CCDC88B: variants seen among roughly 807,000 people sequenced by gnomAD.
The protein encoded by CCDC88B is coiled-coil domain-containing protein 88B.
CCDC88B carries 138 observed loss-of-function variants against 183.7 expected under a neutral mutation model. The observed-to-expected ratio is 0.75, with a 90% CI of 0.65 to 0.87. The LOEUF is 0.87. CCDC88B is among the 40% of genes least tolerant of loss of function. The pLI, the probability that CCDC88B is intolerant of heterozygous loss-of-function variation, is 0.00. For synonymous variants in CCDC88B, 835 were observed against 867.5 expected (o/e 0.96, Z 0.66); for missense variants, 1,822 against 1,965.6 (o/e 0.93, Z 1.38).
chr11:64,342,457 C>G, intron 9 of CCDC88B, 65 bp from the exon 10 acceptor site: 1 of 1,540,408 alleles, frequency 6.5e-7, no homozygotes, highest in East Asian at 2.4e-5. Context: ...CAACCCGGCT[C>G]CTTCCCGTCC....
chr11:64,351,484 G>T lies in CCDC88B; in HGVS notation c.2967G>T (p.Met989Ile). Reference sequence around the variant, plus strand: ...CCCCCACTTCTGGGCAGAATGCGATGCTGGTGGCAGAGAAGGCAGCTTTGC... The same window carrying T: ...CCCCCACTTCTGGGCAGAATGCGATTCTGGTGGCAGAGAAGGCAGCTTTGC... ...RLIEVERSNA[M>I]LVAEKAALQG... Residue 989 changes from methionine to isoleucine, a missense_variant, in exon 18 of 27, where the codon ATG (methionine) becomes ATT (isoleucine). By Grantham distance (10) the Met-to-Ile change is conservative. Coordinates refer to ENST00000356786, the MANE Select transcript of CCDC88B (RefSeq NM_032251.6). 6.3e-7 allele frequency: 1 copy of T among 1,588,118 alleles called. No individual in the cohort carries two copies. The highest frequency in any genetic ancestry group is 1.1e-5 in the South Asian group (1 of 88,812).
Position 64,352,292 on chromosome 11 carries a change from CAGG to C in CCDC88B, c.3266_3268del (p.Glu1089del). The C allele has an allele frequency of 1.3e-6, 2 of 1,572,208 alleles. No homozygotes were observed. The highest frequency in any genetic ancestry group is 1.7e-6 in the Non-Finnish European group (2 of 1,159,782). ...GGCCCTGGCACAGCTGCAGCGGCGG[CAGG>C]AGGCCGAGCTAGAGGGACTGCTGGT... is the stretch of plus-strand genomic sequence containing the variant. On this transcript the variant is annotated inframe_deletion, in exon 19 of 27. Transcript: ENST00000356786.
In CCDC88B at chr11:64,342,652, C is replaced by G; in HGVS notation, c.1034C>G (p.Ala345Gly). 2 of 1,516,762 alleles carry G rather than the reference C, an allele frequency of 1.3e-6. No individual in the cohort carries two copies. The highest frequency in any genetic ancestry group is 2.4e-5 in the South Asian group (2 of 81,702). 94.0% of individuals were successfully genotyped at this position (1,516,762 alleles called of 1,614,324 possible). Residue 345 changes from alanine to glycine, a missense_variant, in exon 10 of 27, where the codon GCG (alanine) becomes GGG (glycine). By Grantham distance (60) the Ala-to-Gly change is moderately conservative. Transcript: ENST00000356786. ...AGGCGCTGCCGCGAGCGGCTGCAGG[C>G]GGCTGAGGCCTACAAGAGTCAGCTG... The part of the protein sequence containing the change: ...ELRRCRERLQ[A>G]AEAYKSQLEE...
chr11:64,352,657 C>T (rs2036384367), intron 19 of CCDC88B, 87 bp from the exon 20 acceptor site: 10 of 1,568,448 alleles, frequency 6.4e-6, no homozygotes, highest in Admixed American at 1.8e-5. Flanking sequence ...GGTGACAGAC[C>T]CCCCCGCCCC....
intron 14 of CCDC88B, chr11:64,348,884 C>T: frequency 1.5e-6 from 1 of 646,352 alleles, no homozygotes; most frequent in Non-Finnish European, 2.9e-6. Flanking sequence ...CAGCTCCTGA[C>T]TTCCTGTCCC....
At chr11:64,342,912 G>A in intron 10 of CCDC88B, 1 of 476,272 alleles carries the variant, frequency 2.1e-6, no homozygotes, top group Non-Finnish European at 3.7e-6. Flanking sequence ...CTTGGAAGGA[G>A]GGCTGTTCCC....
At chr11:64,352,616 A>G (rs961173611) in intron 19 of CCDC88B, 128 bp from the exon 20 acceptor site, 38 of 1,446,340 alleles carry the variant, frequency 2.6e-5, no homozygotes, top group Middle Eastern at 2.1e-4. Context: ...ATTCTGCCCA[A>G]TGGCTTCCTC....
intron 24 of CCDC88B, 109 bp downstream of exon 24, chr11:64,354,279 C>T: frequency 1.1e-6 from 1 of 937,614 alleles, no homozygotes; most frequent in Non-Finnish European, 1.4e-6. Flanking sequence ...CATTGGCCTT[C>T]CCTGAGGCCT....
In CCDC88B at chr11:64,341,191, C is replaced by T. The variant is rs947516415; in HGVS notation, c.388+13C>T. On this transcript the variant is annotated intron_variant, in intron 4 of 26. Transcript: ENST00000356786. ...GACCCTCTCTCAGGTGCTCTCCCCA[C>T]CCACACCCTCCTGCCTCTGCCCCCG... 5 of 1,613,980 alleles carry T rather than the reference C, an allele frequency of 3.1e-6. No individual in the cohort carries two copies. The highest frequency in any genetic ancestry group is 4.2e-6 in the Non-Finnish European group (5 of 1,180,010).
At chr11:64,343,134 G>C in intron 10 of CCDC88B, 45 bp from the exon 11 acceptor site, 1 of 1,491,730 alleles carries the variant, frequency 6.7e-7, no homozygotes, top group Non-Finnish European at 8.9e-7. Context: ...GCGCTGGAGT[G>C]CATGGGGGCT....
Position 64,343,799 on chromosome 11 carries a change from C to T in CCDC88B, c.1340C>T (p.Pro447Leu), listed in dbSNP as rs555368347. The change falls in exon 13 of 27, where the codon CCC becomes CTC. Residue 447 changes from proline (P) to leucine (L), a missense_variant. Pro to Leu is a moderately conservative substitution (Grantham distance 98). Transcript: ENST00000356786. ...TCAGCACCCCTAGCAGGAGCGGCCC[C>T]CTCGCTGCAAGATGAGGTGAGGGAG... is the stretch of plus-strand genomic sequence containing the variant. The part of the protein sequence containing the change: ...PGEAPLAGAA[P>L]SLQDEVREAE... 1,061 of 1,583,404 alleles carry T rather than the reference C, an allele frequency of 6.7e-4. 20 individuals are homozygous for T. In the South Asian group the frequency reaches 0.012, roughly 18 times the overall value.
In CCDC88B at chr11:64,341,021, A is replaced by C. The variant is rs751551235; in HGVS notation, c.318+3A>C. On this transcript the variant is annotated splice_donor_region_variant and intron_variant, in intron 3 of 26. Transcript: ENST00000356786. ...GCCGACTGAGGGACTTCTACCAGGT[A>C]AGGGGTCTCGAGGGAAAGGCGGAGA... 4.3e-6 allele frequency: 7 copies of C among 1,611,854 alleles called. No individual in the cohort carries two copies. The highest frequency in any genetic ancestry group is 1.3e-5 in the African/African-American group (1 of 74,836).
At chr11:64,356,066 C>A (rs1325594039) in intron 26 of CCDC88B, 2 of 150,690 alleles carry the variant, frequency 1.3e-5, no homozygotes, top group African/African-American at 4.9e-5. Flanking sequence ...CTCACTGCAA[C>A]CTCCTCCTCC....
At chr11:64,352,434 C>T (rs1163877416) in intron 19 of CCDC88B, 48 bp downstream of exon 19, 2 of 1,488,924 alleles carry the variant, frequency 1.3e-6, no homozygotes, top group South Asian at 2.6e-5. Context: ...CCCCTATCTG[C>T]CAGAGAAGAC....
chr11:64,347,809 G>C (rs1157837902), intron 14 of CCDC88B, among the ~76,000 whole-genome samples: 1 of 152,112 alleles, frequency 6.6e-6, no homozygotes. Context: ...CCAGCACTTC[G>C]GGAGGCTGAG....
intron 14 of CCDC88B, 129 bp from the exon 15 acceptor site, chr11:64,349,201 GC>G: frequency 9.1e-7 from 1 of 1,096,676 alleles, no homozygotes; most frequent in Non-Finnish European, 1.3e-6. Context: ...GGGAAGTAGA[GC>G]CCAAAGGCTT....
rs916589670 is a variant in CCDC88B, at chr11:64,352,974, C to G, written c.3501-80C>G. On this transcript the variant is annotated intron_variant, in intron 20 of 26. Transcript: ENST00000356786. Reference sequence around the variant, plus strand: ...GGTGTGGGGTCCTGTCTGGCCTCCCCTCCCCGGCATAACTTCTCTGGCCAG... The same window carrying G: ...GGTGTGGGGTCCTGTCTGGCCTCCCGTCCCCGGCATAACTTCTCTGGCCAG... 2.0e-6 allele frequency: 3 copies of G among 1,503,182 alleles called. No individual in the cohort carries two copies. In the African/African-American group the frequency reaches 4.2e-5, roughly 21 times the overall value. The allele number at this position is 1,503,182 out of a possible 1,614,324, so 93.1% of individuals were successfully genotyped here. A position where few individuals can be genotyped will look rare whatever the true frequency, so the allele number is the denominator to read the frequency against.
At position 64,342,647 on chromosome 11, in the gene CCDC88B, G is replaced by C. The variant is rs2035925065; in HGVS notation, c.1029G>C (p.Leu343=). The C allele has an allele frequency of 1.3e-6, 2 of 1,520,302 alleles. No homozygotes were observed. Among genetic ancestry groups the C allele is most frequent in the Non-Finnish European group, 1.8e-6 (2 of 1,140,834 alleles). 94.2% of individuals were successfully genotyped at this position (1,520,302 alleles called of 1,614,324 possible). A position where few individuals can be genotyped will look rare whatever the true frequency, so the allele number is the denominator to read the frequency against. The change falls in exon 10 of 27, where the codon CTG becomes CTC. Residue 343 remains leucine, a synonymous_variant. Transcript: ENST00000356786. ...QEELRRCRER[L]QAAEAYKSQL... ...AGCTGAGGCGCTGCCGCGAGCGGCTGCAGGCGGCTGAGGCCTACAAGAGTC... is the reference window on the plus strand; with the variant it reads ...AGCTGAGGCGCTGCCGCGAGCGGCTCCAGGCGGCTGAGGCCTACAAGAGTC...
In CCDC88B at chr11:64,342,630, C is replaced by A; in HGVS notation, c.1012C>A (p.Arg338Ser). The A allele has an allele frequency of 1.3e-6, 2 of 1,526,010 alleles. No homozygotes were observed. The highest frequency in any genetic ancestry group is 1.7e-6 in the Non-Finnish European group (2 of 1,143,238). The allele number at this position is 1,526,010 out of a possible 1,614,324, so 94.5% of individuals were successfully genotyped here. A position where few individuals can be genotyped will look rare whatever the true frequency, so the allele number is the denominator to read the frequency against. ...GCCCCGCCTGCAGGAGGAGCTGAGG[C>A]GCTGCCGCGAGCGGCTGCAGGCGGC... ...RLPRLQEELRRCRERLQAAEA... is the reference protein window; with the variant it reads ...RLPRLQEELRSCRERLQAAEA... Residue 338 changes from arginine to serine, a missense_variant, in exon 10 of 27, where the codon CGC becomes AGC. Transcript: ENST00000356786.
Sources: allele counts gnomAD v4.1 joint callset (sites outside exome capture counted in the v4.1 genomes callset), GRCh38; gene constraint gnomAD v4.1.1; transcripts MANE v1.5; gene names NCBI Gene and HGNC (gene_info 2026-07-23, HGNC 2026-07-21).